TEX22: variants seen among roughly 807,000 people sequenced by gnomAD.
The protein encoded by TEX22 is testis-expressed protein 22.
In TEX22, 16 loss-of-function variants were observed where a neutral mutation model predicts 11.3. The observed-to-expected ratio is 1.42, with a 90% CI of 0.96 to 2.15. TEX22 has a LOEUF of 2.15. Ranked by LOEUF, TEX22 falls within the 30% of genes most tolerant of loss-of-function variation. The pLI is 0.00. For synonymous variants in TEX22, 97 were observed against 92.3 expected (o/e 1.05, Z -0.29); for missense variants, 220 against 208.6 (o/e 1.05, Z -0.34).
At position 105,399,246 on chromosome 14, in the gene TEX22, G is replaced by T. The variant is rs369414484; in HGVS notation, c.-39-56G>T. ...TGCCCCCAGGGACTCAGGTATTGGT[G>T]GGCACGTGGGTGGCCTTGTGGGCCC... is the stretch of plus-strand genomic sequence containing the variant. On this transcript the variant is annotated intron_variant, in intron 1 of 3. Coordinates refer to ENST00000451127, the MANE Select transcript of TEX22 (RefSeq NM_001195082.2). The T allele has an allele frequency of 1.7e-3, 1,783 of 1,058,428 alleles. 4 individuals are homozygous for T. The highest frequency in any genetic ancestry group is 2.2e-3 in the Non-Finnish European group (1,653 of 741,774). The allele number at this position is 1,058,428 out of a possible 1,614,324, so 65.6% of individuals were successfully genotyped here. A position where few individuals can be genotyped will look rare whatever the true frequency, so the allele number is the denominator to read the frequency against.
At position 105,411,915 on chromosome 14, in the gene TEX22, T is replaced by C. The variant is rs1158563230; in HGVS notation, c.*82T>C. On this transcript the variant is annotated 3_prime_UTR_variant, in exon 4 of 4. Transcript: ENST00000451127. ...GGGGGCAGCCTCTGCGCCTTCTTTGTGCCCCACCAGGGGGTCACCACCCAC... is the reference window on the plus strand; with the variant it reads ...GGGGGCAGCCTCTGCGCCTTCTTTGCGCCCCACCAGGGGGTCACCACCCAC... The C allele has an allele frequency of 7.6e-7, 1 of 1,323,236 alleles. No homozygotes were observed. The allele number at this position is 1,323,236 out of a possible 1,614,324, so 82.0% of individuals were successfully genotyped here.
At chr14:105,409,724 A>ATTCT (rs71129286) in intron 2 of TEX22, among the ~76,000 whole-genome samples, 2 of 145,304 alleles carry the variant, frequency 1.4e-5, no homozygotes, top group African/African-American at 5.2e-5. Context: ...TCTTTCATTC[A>ATTCT]TTCTTTCTTT....
Position 105,399,428 on chromosome 14 carries a change from G to C in TEX22, c.88G>C (p.Ala30Pro). The C allele has an allele frequency of 6.5e-7, 1 of 1,535,826 alleles. No individual in the cohort carries two copies. Among genetic ancestry groups the C allele is most frequent in the Non-Finnish European group, 8.7e-7 (1 of 1,146,790 alleles). Reference sequence around the variant, plus strand: ...CAGGCGGCCCCCACTGGGCCTGATAGCAGCCTGGGGCCAGCCCAGTATCCA... The same window carrying C: ...CAGGCGGCCCCCACTGGGCCTGATACCAGCCTGGGGCCAGCCCAGTATCCA... ...EHRRPPLGLI[A>P]AWGQPSIQSS... The change falls in exon 2 of 4, where the codon GCA becomes CCA. Residue 30 changes from alanine to proline, a missense_variant. By Grantham distance (27) the Ala-to-Pro change is conservative. Transcript: ENST00000451127.
chr14:105,405,124 TAAAA>T (rs1217974096), intron 2 of TEX22, among the ~76,000 whole-genome samples: 1 of 151,880 alleles, frequency 6.6e-6, no homozygotes, highest in Non-Finnish European at 1.5e-5. Context: ...CCCATCTCTA[TAAAA>T]AAATCACAAA....
chr14:105,407,361 C>T (rs1197418094), intron 2 of TEX22, among the ~76,000 whole-genome samples: 1 of 151,960 alleles, frequency 6.6e-6, no homozygotes, highest in Non-Finnish European at 1.5e-5. Context: ...AGCCACCATG[C>T]CCGGCCAGTT....
intron 2 of TEX22, among the ~76,000 whole-genome samples, chr14:105,407,575 C>T (rs1305392962): frequency 2.6e-5 from 4 of 151,492 alleles, no homozygotes; most frequent in Admixed American, 2.0e-4. Flanking sequence ...CCTATGTTGC[C>T]CAGGCTGGTC....
chr14:105,411,532 G>A (rs1175474158), intron 3 of TEX22, 36 bp downstream of exon 3: 2 of 281,204 alleles, frequency 7.1e-6, no homozygotes, highest in Non-Finnish European at 8.0e-6. Flanking sequence ...CCCCGTCCCC[G>A]CCCCGCCCCG....
At chr14:105,402,488 C>T (rs996412219) in intron 2 of TEX22, among the ~76,000 whole-genome samples, 21 of 152,086 alleles carry the variant, frequency 1.4e-4, no homozygotes, top group South Asian at 2.1e-4. Context: ...GGTGTGGTGG[C>T]TCACGCCTGT....
rs1304919072 is a variant in TEX22, at chr14:105,413,443, TAAAG to T, written c.*1613_*1616del. ...GCAGTCCTCTGTTGCTGAGTGGCTT[TAAAG>T]AACCACTCGTTGTTCTGTGACTTGG... is the stretch of plus-strand genomic sequence containing the variant. On this transcript the variant is annotated 3_prime_UTR_variant, in exon 4 of 4. Transcript: ENST00000451127. The surrounding 1 kb of genome is among the most constrained non-coding windows in gnomAD (Gnocchi z 4.2). 3.9e-5 allele frequency: 6 copies of T among 152,350 alleles called. No individual in the cohort carries two copies. The highest frequency in any genetic ancestry group is 1.2e-4 in the African/African-American group (5 of 41,428). 9.4% of individuals were successfully genotyped at this position (152,350 alleles called of 1,614,324 possible). A position where few individuals can be genotyped will look rare whatever the true frequency, so the allele number is the denominator to read the frequency against.
chr14:105,405,655 G>A (rs782397598), intron 2 of TEX22, among the ~76,000 whole-genome samples: 3 of 152,220 alleles, frequency 2.0e-5, no homozygotes, highest in African/African-American at 4.8e-5. Context: ...CGCCTGTTGC[G>A]TGCAGCCGTG....
rs149809884 is a variant in TEX22, at chr14:105,399,471, G to GA, written c.132dup (p.Leu45ThrfsTer95). 2.5e-3 allele frequency: 3,884 copies of GA among 1,535,218 alleles called. 74 individuals are homozygous for GA. The African/African-American group carries it at 0.045, about 18-fold the overall frequency. ...AGTATCCAGAGCAGCGTTCAGCAGG[G>GA]ACTGCAGACTCAGGACTGGGTAAGC... On this transcript the variant is annotated frameshift_variant, in exon 2 of 4. Transcript: ENST00000451127. LOFTEE classifies it high-confidence loss of function.
chr14:105,402,493 G>A (rs962009375), intron 2 of TEX22, among the ~76,000 whole-genome samples: 51 of 152,064 alleles, frequency 3.4e-4, no homozygotes, highest in Admixed American at 7.2e-4. Flanking sequence ...GGTGGCTCAC[G>A]CCTGTAATCC....
At chr14:105,411,576 C>A in intron 3 of TEX22, 80 bp downstream of exon 3, 2 of 1,416,638 alleles carry the variant, frequency 1.4e-6, no homozygotes, top group Non-Finnish European at 1.8e-6. Flanking sequence ...CTCAGTCCCA[C>A]TGGGCCCTTT....
At chr14:105,405,511 G>A (rs1657875426) in intron 2 of TEX22, among the ~76,000 whole-genome samples, 1 of 152,218 alleles carries the variant, frequency 6.6e-6, no homozygotes, top group Non-Finnish European at 1.5e-5. Flanking sequence ...GGTTGTGAAC[G>A]TGTGCAGCGG....
rs1555419488 is a variant in TEX22 at position 105,412,200 on chromosome 14, C to T, written c.*367C>T. 1 of 191,344 alleles carries T rather than the reference C, an allele frequency of 5.2e-6. No individual in the cohort carries two copies. The highest frequency in any genetic ancestry group is 1.1e-5 in the Non-Finnish European group (1 of 93,914). 11.9% of individuals were successfully genotyped at this position (191,344 alleles called of 1,614,324 possible). A position where few individuals can be genotyped will look rare whatever the true frequency, so the allele number is the denominator to read the frequency against. On this transcript the variant is annotated 3_prime_UTR_variant, in exon 4 of 4. Transcript: ENST00000451127. The surrounding 1 kb of genome is among the most constrained non-coding windows in gnomAD (Gnocchi z 5.8). ...CCCAGTGGCAGGCGCTGCCTGGAGACTCAGCTCCTTGGCTGGCCTGGTCTG... is the reference window on the plus strand; with the variant it reads ...CCCAGTGGCAGGCGCTGCCTGGAGATTCAGCTCCTTGGCTGGCCTGGTCTG...
intron 2 of TEX22, among the ~76,000 whole-genome samples, chr14:105,410,225 G>C (rs111915494): frequency 0.04 from 6,123 of 152,168 alleles, 401 homozygotes; most frequent in African/African-American, 0.14. Context: ...TTACAGGCAT[G>C]TGCCACCACG....
Position 105,399,411 on chromosome 14 carries a change from C to T in TEX22, c.71C>T (p.Pro24Leu), listed in dbSNP as rs1192460883. The T allele has an allele frequency of 2.7e-5, 42 of 1,535,722 alleles. No homozygotes were observed. Among genetic ancestry groups the T allele is most frequent in the Non-Finnish European group, 3.7e-5 (42 of 1,146,808 alleles). ...ESHLSQEHRRPPLGLIAAWGQ... is the reference protein window; with the variant it reads ...ESHLSQEHRRLPLGLIAAWGQ... ...CACCTCTCCCAAGAGCACAGGCGGC[C>T]CCCACTGGGCCTGATAGCAGCCTGG... Residue 24 changes from proline (P) to leucine (L), a missense_variant, in exon 2 of 4, where the codon CCC becomes CTC. Coordinates refer to ENST00000451127, the MANE Select transcript of TEX22 (RefSeq NM_001195082.2).
At chr14:105,406,284 C>T (rs2081658180) in intron 2 of TEX22, among the ~76,000 whole-genome samples, 1 of 152,054 alleles carries the variant, frequency 6.6e-6, no homozygotes, top group Admixed American at 6.6e-5. Context: ...CATTTCTGTG[C>T]AATCAAAGAC....
rs2081612990 is a variant in TEX22 at position 105,399,587 on chromosome 14, C to T, written c.150+97C>T. ...ACTCCAGGCTGGTCGTGATGAGCAG[C>T]CTCAGGGGAGGGCTGAGTGGGGACT... is the stretch of plus-strand genomic sequence containing the variant. On this transcript the variant is annotated intron_variant, in intron 2 of 3. Transcript: ENST00000451127. 7 of 1,365,272 alleles carry T rather than the reference C, an allele frequency of 5.1e-6. No homozygotes were observed. In the Admixed American group the frequency reaches 1.3e-4, roughly 26 times the overall value. The allele number at this position is 1,365,272 out of a possible 1,614,324, so 84.6% of individuals were successfully genotyped here.
Sources: allele counts gnomAD v4.1 joint callset (sites outside exome capture counted in the v4.1 genomes callset), GRCh38; gene constraint gnomAD v4.1.1; non-coding constraint Gnocchi (gnomAD v3.1); transcripts MANE v1.5; gene names NCBI Gene and HGNC (gene_info 2026-07-23, HGNC 2026-07-21).